The following SV2B variants were observed in gnomAD, a reference collection of about 807,000 sequenced individuals.
SV2B encodes synaptic vesicle glycoprotein 2B.
SV2B carries 41 observed loss-of-function variants against 73.9 expected under a neutral mutation model. The ratio of observed to expected loss-of-function variants is 0.56; its 90% CI spans 0.43 to 0.72. The LOEUF is 0.72. Among genes scored for constraint, SV2B ranks in the 30% least tolerant of loss-of-function variants. The pLI, the probability that SV2B is intolerant of heterozygous loss-of-function variation, is 0.00. For missense variants in SV2B, 764 were observed against 857.8 expected, an observed-to-expected ratio of 0.89 and a Z score of 1.37; for synonymous variants, 314 against 314.2, an observed-to-expected ratio of 1.00 and a Z score of 0.01.
Position 91,253,057 on chromosome 15 carries a change from T to C in SV2B, c.784+537T>C, listed in dbSNP as rs2047553643. 1.3e-5 allele frequency among the ~76,000 whole-genome samples: 2 copies of C among 152,166 alleles called. No individual in the cohort carries two copies. Among genetic ancestry groups the C allele is most frequent in the South Asian group, 4.1e-4 (2 of 4,834 alleles). The stretch of plus-strand genomic sequence containing the variant: ...TTTGGCCGTGACAGTGCAGGAGCCC[T>C]TATAGACAAGGTCATGGTTTCAGCC... On this transcript the variant is annotated intron_variant, in intron 4 of 12. Coordinates refer to ENST00000394232, the MANE Select transcript of SV2B (RefSeq NM_001323032.3). The surrounding 1 kb of genome is among the most constrained non-coding windows in gnomAD (Gnocchi z 5.0).
chr15:91,217,818 C>G (rs774263778), intron 1 of SV2B, among the ~76,000 whole-genome samples: 1 of 152,194 alleles, frequency 6.6e-6, no homozygotes, highest in Non-Finnish European at 1.5e-5. Flanking sequence ...AGCTGAGAAC[C>G]CCAGAAGGTG....
rs1250295755 is a variant in SV2B, at chr15:91,232,929, C to G, written c.451+6215C>G. Among the ~76,000 whole-genome samples, 1 of 152,124 alleles carries G rather than the reference C, an allele frequency of 6.6e-6. No homozygotes were observed. The highest frequency in any genetic ancestry group is 1.5e-5 in the Non-Finnish European group (1 of 68,006). On this transcript the variant is annotated intron_variant, in intron 2 of 12. Coordinates refer to ENST00000394232, the MANE Select transcript of SV2B (RefSeq NM_001323032.3). The surrounding 1 kb of genome is among the most constrained non-coding windows in gnomAD (Gnocchi z 4.7). ...TATGTCACGAATACCCAATATTTAG[C>G]GCTCGCTTATAAGTGAGAACATGCA...
chr15:91,131,087 C>T (rs1440594186), intron 1 of SV2B, among the ~76,000 whole-genome samples: 2 of 144,908 alleles, frequency 1.4e-5, no homozygotes, highest in Non-Finnish European at 3.0e-5. Context: ...AATGAACTAG[C>T]GAGTGAGGTC....
In SV2B at chr15:91,176,391, T is replaced by C. The variant is rs1176304507; in HGVS notation, c.-391-49482T>C. 1.2e-4 allele frequency among the ~76,000 whole-genome samples: 18 copies of C among 151,690 alleles called. No individual in the cohort carries two copies. The South Asian group carries it at 3.3e-3, about 28-fold the overall frequency. On this transcript the variant is annotated intron_variant, in intron 1 of 12. Coordinates refer to ENST00000394232, the MANE Select transcript of SV2B (RefSeq NM_001323032.3). ...TTTATAGCAGCATGATTTATAGTCC[T>C]TTGGGTATATACCCCGTAATTGGAT...
At position 91,226,156 on chromosome 15, in the gene SV2B, T is replaced by C; in HGVS notation, c.-108T>C. ...ACCTAAGAAGTCACATGAACATATTTCACATTTGAACTACATAATGAATGA... is the reference window on the plus strand; with the variant it reads ...ACCTAAGAAGTCACATGAACATATTCCACATTTGAACTACATAATGAATGA... On this transcript the variant is annotated 5_prime_UTR_variant, in exon 2 of 13. Coordinates refer to ENST00000394232, the MANE Select transcript of SV2B (RefSeq NM_001323032.3). 1 of 1,092,094 alleles carries C rather than the reference T, an allele frequency of 9.2e-7. No homozygotes were observed. Among genetic ancestry groups the C allele is most frequent in the Non-Finnish European group, 1.3e-6 (1 of 756,674 alleles). 67.7% of individuals were successfully genotyped at this position (1,092,094 alleles called of 1,614,324 possible). A position where few individuals can be genotyped will look rare whatever the true frequency, so the allele number is the denominator to read the frequency against.
At chr15:91,198,570 G>C (rs2045343604) in intron 1 of SV2B, among the ~76,000 whole-genome samples, 1 of 151,948 alleles carries the variant, frequency 6.6e-6, no homozygotes, top group African/African-American at 2.4e-5. Flanking sequence ...GTTTGTACCA[G>C]AAACCTAAAA....
intron 9 of SV2B, among the ~76,000 whole-genome samples, chr15:91,276,201 T>C (rs947193063): frequency 6.6e-6 from 1 of 152,010 alleles, no homozygotes; most frequent in African/African-American, 2.4e-5. Context: ...TTTTTTTTCT[T>C]TTGCTCCCTT....
At position 91,258,504 on chromosome 15, in the gene SV2B, T is replaced by A. The variant is rs752170850; in HGVS notation, c.868T>A (p.Ser290Thr). Reference protein sequence around the residue: ...VIVCALPCTVSMVALKFMPES... With the variant: ...VIVCALPCTVTMVALKFMPES... ...CGTCTGTGCTCTGCCCTGCACCGTG[T>A]CCATGGTGGCCCTGAAGTTCATGCC... Residue 290 changes from serine to threonine, a missense_variant, in exon 5 of 13, where the codon TCC becomes ACC. Coordinates refer to ENST00000394232, the MANE Select transcript of SV2B (RefSeq NM_001323032.3). This position sits in a 1 kb window ranked among gnomAD's most constrained non-coding sequence, Gnocchi z 4.7. 5.6e-6 allele frequency: 9 copies of A among 1,614,030 alleles called. No homozygotes were observed. Among genetic ancestry groups the A allele is most frequent in the Non-Finnish European group, 7.6e-6 (9 of 1,179,998 alleles).
At chr15:91,262,031 A>G (rs16945485) in intron 6 of SV2B, among the ~76,000 whole-genome samples, 20,281 of 152,204 alleles carry the variant, frequency 0.13, 1,478 homozygotes, top group African/African-American at 0.16. Flanking sequence ...AGTCTCAAGT[A>G]AACCATTTAC....
chr15:91,114,389 G>A (rs905456926), intron 1 of SV2B, among the ~76,000 whole-genome samples: 8 of 152,164 alleles, frequency 5.3e-5, no homozygotes, highest in African/African-American at 1.9e-4. Context: ...TATCTCTAAT[G>A]TGTGTGCTTG....
chr15:91,204,541 TTTC>T (rs1209171827), intron 1 of SV2B, among the ~76,000 whole-genome samples: 33 of 151,378 alleles, frequency 2.2e-4, no homozygotes, highest in African/African-American at 6.3e-4. Flanking sequence ...ACTTATTTCT[TTTC>T]TTCTTCTTCT....
chr15:91,123,691 G>T lies in SV2B; in HGVS notation c.-392+23328G>T, dbSNP rs767222879. Among the ~76,000 whole-genome samples the T allele has an allele frequency of 2.0e-5, 3 of 152,184 alleles. No individual in the cohort carries two copies. The highest frequency in any genetic ancestry group is 2.9e-5 in the Non-Finnish European group (2 of 68,030). On this transcript the variant is annotated intron_variant, in intron 1 of 12. Coordinates refer to ENST00000394232, the MANE Select transcript of SV2B (RefSeq NM_001323032.3). This position sits in a 1 kb window ranked among gnomAD's most constrained non-coding sequence, Gnocchi z 4.7. ...GTCTAGCACTTTCTGAAGAGTAGAC[G>T]TGAGGAGCGGTAGAGTTGTGATGCA...
rs1255973727 is a variant in SV2B, at chr15:91,267,368, A to G, written c.1120-187A>G. On this transcript the variant is annotated intron_variant, in intron 7 of 12. Coordinates refer to ENST00000394232, the MANE Select transcript of SV2B (RefSeq NM_001323032.3). The surrounding 1 kb of genome is among the most constrained non-coding windows in gnomAD (Gnocchi z 4.3). ...GGACTGTTAGAGTATGAGGCCAGCC[A>G]GTAGGAAGAGAAGAGGCTTTCCTTG... Among the ~76,000 whole-genome samples the G allele has an allele frequency of 1.3e-5, 2 of 152,242 alleles. No individual in the cohort carries two copies. Among genetic ancestry groups the G allele is most frequent in the African/African-American group, 4.8e-5 (2 of 41,460 alleles).
rs151122154 is a variant in SV2B, at chr15:91,149,719, G to A, written c.-392+49356G>A. 4.7e-3 allele frequency among the ~76,000 whole-genome samples: 720 copies of A among 152,294 alleles called. 4 individuals carry two copies. Among genetic ancestry groups the A allele is most frequent in the African/African-American group, 0.016 (683 of 41,570 alleles). The stretch of plus-strand genomic sequence containing the variant: ...CTATCTGTTGTCCTCATGTGAGAAA[G>A]CTGAGGCTCAGGGAAGGATTTGCCC... On this transcript the variant is annotated intron_variant, in intron 1 of 12. Coordinates refer to ENST00000394232, the MANE Select transcript of SV2B (RefSeq NM_001323032.3).
At chr15:91,142,214 C>A (rs186081966) in intron 1 of SV2B, among the ~76,000 whole-genome samples, 4 of 152,294 alleles carry the variant, frequency 2.6e-5, no homozygotes, top group African/African-American at 7.2e-5. Context: ...TCTCATCCCT[C>A]CCCTGTCTCC....
At chr15:91,114,183 CAAAAAAAAA>C (rs11372573) in intron 1 of SV2B, among the ~76,000 whole-genome samples, 4 of 55,972 alleles carry the variant, frequency 7.1e-5, no homozygotes, top group Admixed American at 2.5e-4. Flanking sequence ...GACTCCATCT[CAAAAAAAAA>C]AAAAAAAAAA....
At chr15:91,186,703 C>T (rs1235047532) in intron 1 of SV2B, among the ~76,000 whole-genome samples, 1 of 152,022 alleles carries the variant, frequency 6.6e-6, no homozygotes, top group Non-Finnish European at 1.5e-5. Flanking sequence ...ACGCTGGAGA[C>T]TCAGAAGGCT....
chr15:91,213,159 A>G (rs1037319903), intron 1 of SV2B, among the ~76,000 whole-genome samples: 2 of 152,154 alleles, frequency 1.3e-5, no homozygotes, highest in African/African-American at 2.4e-5. Flanking sequence ...TCTCAGAAAA[A>G]TAAATAAACA....
Position 91,130,339 on chromosome 15 carries a change from G to A in SV2B, c.-392+29976G>A, listed in dbSNP as rs566549459. ...GGCTCAGGAACCAATTGCAACTCAGGGACAAGGTCAGGGTTGGAGTTACGT... is the reference window on the plus strand; with the variant it reads ...GGCTCAGGAACCAATTGCAACTCAGAGACAAGGTCAGGGTTGGAGTTACGT... On this transcript the variant is annotated intron_variant, in intron 1 of 12. Coordinates refer to ENST00000394232, the MANE Select transcript of SV2B (RefSeq NM_001323032.3). The surrounding 1 kb of genome is among the most constrained non-coding windows in gnomAD (Gnocchi z 5.6). Among the ~76,000 whole-genome samples the A allele has an allele frequency of 1.2e-4, 18 of 152,244 alleles. No individual in the cohort carries two copies. The South Asian group carries it at 2.1e-3, about 18-fold the overall frequency.
Sources: allele counts gnomAD v4.1 joint callset (sites outside exome capture counted in the v4.1 genomes callset), GRCh38; gene constraint gnomAD v4.1.1; non-coding constraint Gnocchi (gnomAD v3.1); transcripts MANE v1.5; gene names NCBI Gene and HGNC (gene_info 2026-07-23, HGNC 2026-07-21).